Variants in TRIO observed in about 807,000 individuals in gnomAD.
TRIO encodes trio Rho guanine nucleotide exchange factor.
Under a neutral mutation model 351.9 loss-of-function variants are expected in TRIO, and 58 were observed. The observed-to-expected ratio is 0.16, with a 90% CI of 0.13 to 0.21. The LOEUF is 0.21. TRIO is among the 10% of genes least tolerant of loss of function. The pLI is 1.00. For synonymous variants in TRIO, 1,758 were observed against 1,595.7 expected (o/e 1.10, Z -2.42); for missense variants, 3,201 against 4,027.8 (o/e 0.79, Z 5.56).
At chr5:14,230,972 G>A (rs1444933520) in intron 1 of TRIO, among the ~76,000 whole-genome samples, 2 of 152,142 alleles carry the variant, frequency 1.3e-5, no homozygotes, top group Non-Finnish European at 2.9e-5. Context: ...GGTGTTGGAG[G>A]ATTAAATTTG....
rs771426888 is a variant in TRIO at position 14,509,602 on chromosome 5, A to G, written c.*1180A>G. Reference sequence around the variant, plus strand: ...CCCAAAATCAGTCTGGACATTTACTACTTTTTAGACTTTTTGACGTTGAAC... The same window carrying G: ...CCCAAAATCAGTCTGGACATTTACTGCTTTTTAGACTTTTTGACGTTGAAC... On this transcript the variant is annotated 3_prime_UTR_variant, in exon 57 of 57. Coordinates refer to ENST00000344204, the MANE Select transcript of TRIO (RefSeq NM_007118.4). 1.0e-4 allele frequency: 31 copies of G among 301,724 alleles called. No individual in the cohort carries two copies. The highest frequency in any genetic ancestry group is 1.5e-4 in the Non-Finnish European group (23 of 154,820). The allele number at this position is 301,724 out of a possible 1,614,324, so 18.7% of individuals were successfully genotyped here.
intron 9 of TRIO, among the ~76,000 whole-genome samples, chr5:14,320,896 T>A (rs1403986054): frequency 6.6e-6 from 1 of 152,234 alleles, no homozygotes; most frequent in African/African-American, 2.4e-5. Context: ...ATTTGAATCC[T>A]CCTTGTCAAG....
chr5:14,249,101 G>A (rs1452278116), intron 1 of TRIO, among the ~76,000 whole-genome samples: 1 of 152,258 alleles, frequency 6.6e-6, no homozygotes, highest in Admixed American at 6.5e-5. Flanking sequence ...AACCTTGGCT[G>A]GAGGCAGACT....
At chr5:14,481,455 C>A in intron 44 of TRIO, 86 bp from the exon 45 acceptor site, 1 of 1,536,664 alleles carries the variant, frequency 6.5e-7, no homozygotes, top group Non-Finnish European at 9.0e-7. Flanking sequence ...GGAGGAAGAA[C>A]AGAACTTCAT....
At chr5:14,292,937 C>T in intron 5 of TRIO, 75 bp from the exon 6 acceptor site, 3 of 1,601,744 alleles carry the variant, frequency 1.9e-6, no homozygotes, top group East Asian at 2.2e-5. Context: ...TTTCTTGGTA[C>T]TGCCCCATCT....
At chr5:14,452,867 A>G (rs959312923) in intron 34 of TRIO, among the ~76,000 whole-genome samples, 1 of 152,058 alleles carries the variant, frequency 6.6e-6, no homozygotes, top group African/African-American at 2.4e-5. Context: ...CCAGCAGGAT[A>G]TGGTCCTTTC....
intron 1 of TRIO, among the ~76,000 whole-genome samples, chr5:14,195,960 T>C (rs570628537): frequency 6.6e-6 from 1 of 152,326 alleles, no homozygotes; most frequent in South Asian, 2.1e-4. Context: ...TCCATATCTG[T>C]ATTTGTATAA....
intron 42 of TRIO, 49 bp from the exon 43 acceptor site, chr5:14,479,870 C>A (rs1295525996): frequency 1.9e-6 from 3 of 1,551,706 alleles, no homozygotes; most frequent in Non-Finnish European, 8.9e-7. Flanking sequence ...TAAAAAATTG[C>A]CCTTTAATGA....
chr5:14,143,679 GGGGCGCGGGGCCCGAGGCGGGCGC>G lies in TRIO; in HGVS notation c.-44_-21del. ...GCGGAGCGGGCGGCACGCGGCGCTAGGGGCGCGGGGCCCGAGGCGGGCGCGGCCGCGGGCGCCGCCGCAGCCATG... is the reference window on the plus strand; with the variant it reads ...GCGGAGCGGGCGGCACGCGGCGCTAGGGCCGCGGGCGCCGCCGCAGCCATG... On this transcript the variant is annotated 5_prime_UTR_variant, in exon 1 of 57. Coordinates refer to ENST00000344204, the MANE Select transcript of TRIO (RefSeq NM_007118.4). The G allele has an allele frequency of 1.1e-6, 1 of 951,198 alleles. No homozygotes were observed. 58.9% of individuals were successfully genotyped at this position (951,198 alleles called of 1,614,324 possible).
intron 46 of TRIO, among the ~76,000 whole-genome samples, chr5:14,483,778 C>T (rs370886983): frequency 1.3e-5 from 2 of 152,182 alleles, no homozygotes; most frequent in African/African-American, 4.8e-5. Context: ...CTCCAGACTC[C>T]GCCTTTTGAG....
At chr5:14,260,584 C>G (rs1795286607) in intron 1 of TRIO, among the ~76,000 whole-genome samples, 1 of 152,186 alleles carries the variant, frequency 6.6e-6, no homozygotes, top group South Asian at 2.1e-4. Flanking sequence ...TACTGAGTTT[C>G]ATGTTAGAAT....
intron 1 of TRIO, among the ~76,000 whole-genome samples, chr5:14,238,785 T>C (rs752689095): frequency 2.6e-5 from 4 of 152,230 alleles, no homozygotes; most frequent in African/African-American, 4.8e-5. Flanking sequence ...TAAAATGTTT[T>C]CCACTTGGTC....
rs146931622 is a variant in TRIO, at chr5:14,174,144, C to T, written c.157+30262C>T. On this transcript the variant is annotated intron_variant, in intron 1 of 56. Coordinates refer to ENST00000344204, the MANE Select transcript of TRIO (RefSeq NM_007118.4). ...AGAAATGAGCGCTAGTTGCCTTCCA[C>T]CCGTGTGGCTGTAACCTTCTGTTGC... is the stretch of plus-strand genomic sequence containing the variant. Among the ~76,000 whole-genome samples the T allele has an allele frequency of 4.1e-3, 628 of 152,330 alleles. 2 individuals are homozygous for T. Among genetic ancestry groups the T allele is most frequent in the Middle Eastern group, 0.01 (3 of 294 alleles).
At chr5:14,250,827 C>T (rs1007566565) in intron 1 of TRIO, among the ~76,000 whole-genome samples, 1 of 152,078 alleles carries the variant, frequency 6.6e-6, no homozygotes, top group African/African-American at 2.4e-5. Flanking sequence ...TGAATTGTGC[C>T]CAGATTTGCT....
chr5:14,272,633 T>C (rs1321761580), intron 2 of TRIO, among the ~76,000 whole-genome samples: 3 of 151,660 alleles, frequency 2.0e-5, no homozygotes, highest in Non-Finnish European at 4.4e-5. Context: ...AGTTTTGCTT[T>C]ACCACAGATT....
chr5:14,364,067 G>T, intron 14 of TRIO, 140 bp downstream of exon 14: 1 of 797,606 alleles, frequency 1.3e-6, no homozygotes, highest in Non-Finnish European at 1.9e-6. Flanking sequence ...TTAAAAGAAC[G>T]TTTGCATTTT....
intron 34 of TRIO, among the ~76,000 whole-genome samples, chr5:14,431,861 C>T (rs1210899054): frequency 6.6e-6 from 1 of 152,218 alleles, no homozygotes; most frequent in Non-Finnish European, 1.5e-5. Context: ...CACCCTCTTG[C>T]TGATTCTCCA....
intron 10 of TRIO, among the ~76,000 whole-genome samples, chr5:14,334,224 G>C (rs1280385948): frequency 6.6e-6 from 1 of 152,168 alleles, no homozygotes; most frequent in Admixed American, 6.5e-5. Flanking sequence ...GTTGATACTA[G>C]CACAAAGAAA....
intron 29 of TRIO, 177 bp downstream of exon 29, chr5:14,397,331 A>T (rs1747693000): frequency 1.8e-6 from 1 of 570,834 alleles, no homozygotes; most frequent in East Asian, 3.0e-5. Flanking sequence ...ATGTTTCTAT[A>T]CTCATTGAAA....
Sources: allele counts gnomAD v4.1 joint callset (sites outside exome capture counted in the v4.1 genomes callset), GRCh38; gene constraint gnomAD v4.1.1; transcripts MANE v1.5; gene names NCBI Gene and HGNC (gene_info 2026-07-23, HGNC 2026-07-21).